ATF7IP: variants seen among roughly 807,000 people sequenced by gnomAD.
ATF7IP encodes the protein activating transcription factor 7 interacting protein, also known as activating transcription factor 7-interacting protein 1.
A neutral mutation model predicts 106.4 loss-of-function variants in ATF7IP; 23 were observed. The observed-to-expected ratio is 0.22, with a 90% CI of 0.16 to 0.31. The LOEUF (loss-of-function observed/expected upper bound fraction) is 0.31, where lower values mean the gene tolerates loss of function less well. Ranked by LOEUF, ATF7IP falls within the 10% of genes least tolerant of loss-of-function variation. ATF7IP has a pLI of 1.00. For missense variants in ATF7IP, 1,334 were observed against 1,524.3 expected, an observed-to-expected ratio of 0.88 and a Z score of 2.08; for synonymous variants, 542 against 539.0, an observed-to-expected ratio of 1.01 and a Z score of -0.08.
chr12:14,486,161 C>A (rs951244385), intron 13 of ATF7IP, among the ~76,000 whole-genome samples: 53 of 152,102 alleles, frequency 3.5e-4, no homozygotes, highest in African/African-American at 1.2e-3. Flanking sequence ...CAGGATGAAT[C>A]CAGTAATCCA....
chr12:14,494,778 C>G (rs1944958481), intron 13 of ATF7IP, among the ~76,000 whole-genome samples: 1 of 151,126 alleles, frequency 6.6e-6, no homozygotes, highest in Non-Finnish European at 1.5e-5. Context: ...ACCAAAAATA[C>G]AAAAATTGGC....
At chr12:14,444,253 A>G (rs1166886474) in intron 5 of ATF7IP, among the ~76,000 whole-genome samples, 5 of 152,214 alleles carry the variant, frequency 3.3e-5, no homozygotes, top group Non-Finnish European at 7.4e-5. Flanking sequence ...TTCCCTATCA[A>G]TGAAGTAAAT....
At chr12:14,467,148 C>T (rs1320290604) in intron 10 of ATF7IP, among the ~76,000 whole-genome samples, 7 of 152,068 alleles carry the variant, frequency 4.6e-5, no homozygotes, top group Non-Finnish European at 8.8e-5. Flanking sequence ...TAACAGTGTT[C>T]TTCCTTGTTC....
chr12:14,367,377 T>G (rs1938350805), intron 1 of ATF7IP: 1 of 152,136 alleles, frequency 6.6e-6, no homozygotes, highest in Non-Finnish European at 1.5e-5. Context: ...TCTTTTTTTC[T>G]CAAGAGAATA....
chr12:14,371,183 C>T (rs1298392479), intron 1 of ATF7IP, among the ~76,000 whole-genome samples: 1 of 151,756 alleles, frequency 6.6e-6, no homozygotes, highest in African/African-American at 2.4e-5. Context: ...ATAATTGATT[C>T]AGGAGTCAGT....
At chr12:14,403,935 G>A (rs998481165) in intron 1 of ATF7IP, among the ~76,000 whole-genome samples, 1 of 152,098 alleles carries the variant, frequency 6.6e-6, no homozygotes, top group Admixed American at 6.5e-5. Context: ...ATTATAAATA[G>A]GGTTATGAGC....
chr12:14,482,255 A>C (rs1432532230), intron 13 of ATF7IP: 1 of 152,220 alleles, frequency 6.6e-6, no homozygotes, highest in Non-Finnish European at 1.5e-5. Flanking sequence ...GATATCATTT[A>C]AACATACTAG....
At chr12:14,468,085 G>C (rs953130092) in intron 10 of ATF7IP, among the ~76,000 whole-genome samples, 1 of 151,756 alleles carries the variant, frequency 6.6e-6, no homozygotes, top group Non-Finnish European at 1.5e-5. Context: ...TGGCCAACAT[G>C]GGGAAACCGC....
intron 3 of ATF7IP, among the ~76,000 whole-genome samples, chr12:14,434,671 AGTTACTGAGT>A (rs1228281466): frequency 6.6e-6 from 1 of 152,168 alleles, no homozygotes; most frequent in Non-Finnish European, 1.5e-5. Context: ...AAATTTACTA[AGTTACTGAGT>A]GTTTTGAGAT....
chr12:14,392,678 G>GGT (rs917996020), intron 1 of ATF7IP, among the ~76,000 whole-genome samples: 3 of 152,150 alleles, frequency 2.0e-5, no homozygotes, highest in African/African-American at 7.2e-5. Flanking sequence ...AATGCTGTGG[G>GGT]GTAGGGTAGA....
intron 1 of ATF7IP, among the ~76,000 whole-genome samples, chr12:14,388,840 A>G (rs1485458203): frequency 6.6e-6 from 1 of 151,810 alleles, no homozygotes; most frequent in South Asian, 2.1e-4. Context: ...GGGTTTTATC[A>G]TGTTGGCCAA....
At chr12:14,454,976 C>T (rs897395825) in intron 6 of ATF7IP, among the ~76,000 whole-genome samples, 11 of 151,926 alleles carry the variant, frequency 7.2e-5, no homozygotes, top group Non-Finnish European at 1.0e-4. Flanking sequence ...TTCAGGAGTT[C>T]GAGACCAGCC....
chr12:14,479,876 G>A (rs1944380860), intron 12 of ATF7IP, among the ~76,000 whole-genome samples: 1 of 152,074 alleles, frequency 6.6e-6, no homozygotes, highest in East Asian at 1.9e-4. Flanking sequence ...CTTGGGAGCT[G>A]TATTATCTGT....
chr12:14,459,317 T>C (rs962329532), intron 8 of ATF7IP, among the ~76,000 whole-genome samples: 3 of 150,542 alleles, frequency 2.0e-5, no homozygotes, highest in African/African-American at 5.0e-5. Flanking sequence ...TGGCACGCAG[T>C]AGTTGTCTTA....
Position 14,424,201 on chromosome 12 carries a change from A to G in ATF7IP, c.286A>G (p.Ser96Gly), listed in dbSNP as rs372446317. Residue 96 changes from serine to glycine, a missense_variant, in exon 2 of 15, where the codon AGT becomes GGT. This residue lies in a region of ATF7IP where 438 missense variants were observed against 405.3 expected (regional missense o/e 1.08). Coordinates refer to ENST00000261168, the MANE Select transcript of ATF7IP (RefSeq NM_018179.5). ...ATGGAAGGAAACACCCTGTATCCTA[A>G]GTGTTAATGTAAAAAACAAGCAGGA... is the stretch of plus-strand genomic sequence containing the variant. ...AEWKETPCIL[S>G]VNVKNKQDDD... The G allele has an allele frequency of 5.0e-6, 8 of 1,614,066 alleles. No homozygotes were observed. Among genetic ancestry groups the G allele is most frequent in the African/African-American group, 1.3e-5 (1 of 74,936 alleles).
intron 6 of ATF7IP, among the ~76,000 whole-genome samples, chr12:14,452,513 T>C (rs1943244788): frequency 6.6e-6 from 1 of 152,152 alleles, no homozygotes; most frequent in Non-Finnish European, 1.5e-5. Flanking sequence ...TTTCTTTAGA[T>C]GTTTCCTCTG....
intron 11 of ATF7IP, 102 bp downstream of exon 11, chr12:14,476,070 T>C: frequency 1.2e-6 from 1 of 868,686 alleles, no homozygotes. Flanking sequence ...GCATTATGCT[T>C]GGTTTATTTG....
intron 13 of ATF7IP, among the ~76,000 whole-genome samples, chr12:14,494,284 A>AATAT (rs747194414): frequency 0.019 from 1,030 of 53,440 alleles, 10 homozygotes; most frequent in Middle Eastern, 0.044. Flanking sequence ...GAGCTAATAG[A>AATAT]ATATATATAT....
intron 10 of ATF7IP, among the ~76,000 whole-genome samples, chr12:14,473,286 C>CTATGTGTG (rs766915991): frequency 4.7e-4 from 25 of 53,750 alleles, no homozygotes; most frequent in African/African-American, 2.7e-3. Context: ...CTCTCTCTCT[C>CTATGTGTG]TCTCTGTGTG....
Sources: gnomAD v4.1 joint callset for allele counts (sites outside exome capture counted in the v4.1 genomes callset) on GRCh38, gnomAD v4.1.1 for gene constraint, gnomAD v4.1.1 regional missense constraint, MANE v1.5 for transcripts, NCBI Gene and HGNC (gene_info 2026-07-23, HGNC 2026-07-21) for gene names.